Variants in ROBO2 observed in about 807,000 individuals in gnomAD.
ROBO2 encodes the protein roundabout guidance receptor 2.
A neutral mutation model predicts 160.8 loss-of-function variants in ROBO2; 53 were observed. That is an observed-to-expected ratio of 0.33 (90% CI 0.26 to 0.41). The LOEUF is 0.41. Ranked by LOEUF, ROBO2 falls within the 10% of genes least tolerant of loss-of-function variation. The probability of loss-of-function intolerance (pLI) is 1.00; values close to 1 mark genes in which losing one functional copy is unlikely to be tolerated. For missense variants in ROBO2, 1,577 were observed against 1,722.4 expected (o/e 0.92, Z 1.49); for synonymous variants, 664 against 611.7 (o/e 1.09, Z -1.26).
intron 2 of ROBO2, among the ~76,000 whole-genome samples, chr3:77,148,422 C>T (rs1207368136): frequency 2.6e-5 from 4 of 152,192 alleles, no homozygotes; most frequent in Admixed American, 6.5e-5. Context: ...CTGCATGAAA[C>T]TTTTTTTCTT....
chr3:77,277,791 G>A (rs534663331), intron 2 of ROBO2, among the ~76,000 whole-genome samples: 2 of 152,144 alleles, frequency 1.3e-5, no homozygotes, highest in Non-Finnish European at 2.9e-5. Context: ...TTGCTAGAAT[G>A]ATTTATATTC....
At chr3:77,409,540 G>A (rs2076529259) in intron 2 of ROBO2, among the ~76,000 whole-genome samples, 1 of 152,128 alleles carries the variant, frequency 6.6e-6, no homozygotes. Flanking sequence ...ATTGATCCCA[G>A]CTGGGGGGAT....
chr3:77,178,031 G>C (rs927031387), intron 2 of ROBO2, among the ~76,000 whole-genome samples: 31 of 152,070 alleles, frequency 2.0e-4, no homozygotes, highest in African/African-American at 7.2e-4. Context: ...TAAAGACAAA[G>C]CCCTGTCTCT....
intron 2 of ROBO2, among the ~76,000 whole-genome samples, chr3:76,837,018 A>AT (rs1238647205): frequency 8.2e-6 from 1 of 121,388 alleles, no homozygotes; most frequent in African/African-American, 2.8e-5. Flanking sequence ...ATTGCATATT[A>AT]TATTATATAT....
At chr3:76,217,514 G>T (rs543844778) in intron 2 of ROBO2, among the ~76,000 whole-genome samples, 5 of 151,976 alleles carry the variant, frequency 3.3e-5, no homozygotes, top group Non-Finnish European at 5.9e-5. Flanking sequence ...ACAAACTACC[G>T]TCAGAGAATA....
In ROBO2 at chr3:76,461,202, A is replaced by G. The variant is rs559542265; in HGVS notation, c.109+523600A>G. Among the ~76,000 whole-genome samples the G allele has an allele frequency of 3.3e-3, 506 of 152,248 alleles. 1 individual carries two copies. Among genetic ancestry groups the G allele is most frequent in the Middle Eastern group, 0.01 (3 of 294 alleles). ...GGGAGCAGGCATGTCACATGGCCTG[A>G]GTGGAGCAAGGCTGGGGTTGTAGGG... On this transcript the variant is annotated intron_variant, in intron 2 of 26. Transcript: ENST00000487694.
intron 2 of ROBO2, among the ~76,000 whole-genome samples, chr3:76,941,187 C>G (rs1193634500): frequency 6.6e-6 from 1 of 152,024 alleles, no homozygotes; most frequent in Admixed American, 6.6e-5. Flanking sequence ...ATTCTTTCAT[C>G]TCCTTATTTC....
intron 2 of ROBO2, chr3:76,434,240 G>A (rs10514733): frequency 0.024 from 23,945 of 1,015,188 alleles, 781 homozygotes; most frequent in South Asian, 0.097. Flanking sequence ...CAGGTTTGAC[G>A]TTGGAGCGAG....
At chr3:76,762,240 T>A (rs1248707189) in intron 2 of ROBO2, among the ~76,000 whole-genome samples, 1 of 151,600 alleles carries the variant, frequency 6.6e-6, no homozygotes, top group African/African-American at 2.4e-5. Flanking sequence ...TTCTGATGAA[T>A]TTGAACAATT....
chr3:76,626,251 A>T (rs573434142), intron 2 of ROBO2, among the ~76,000 whole-genome samples: 1 of 152,306 alleles, frequency 6.6e-6, no homozygotes, highest in Non-Finnish European at 1.5e-5. Context: ...TGTTGTTTTC[A>T]CTATGTGAAG....
intron 2 of ROBO2, among the ~76,000 whole-genome samples, chr3:76,072,729 G>T (rs2875349): frequency 6.6e-6 from 1 of 152,214 alleles, no homozygotes; most frequent in Non-Finnish European, 1.5e-5. Context: ...CAGATCAAGA[G>T]CTGAGGGTGT....
chr3:77,447,511 C>T (rs1385371673), intron 2 of ROBO2, among the ~76,000 whole-genome samples: 1 of 152,044 alleles, frequency 6.6e-6, no homozygotes, highest in African/African-American at 2.4e-5. Context: ...TACTACTCTG[C>T]CATAAGATGC....
At chr3:75,996,837 T>G (rs1389108762) in intron 2 of ROBO2, among the ~76,000 whole-genome samples, 1 of 151,498 alleles carries the variant, frequency 6.6e-6, no homozygotes, top group African/African-American at 2.4e-5. Context: ...AAATCATCTA[T>G]TCTGATATAT....
chr3:76,028,747 A>C (rs1380470577), intron 2 of ROBO2, among the ~76,000 whole-genome samples: 1 of 152,024 alleles, frequency 6.6e-6, no homozygotes, highest in African/African-American at 2.4e-5. Flanking sequence ...ATTACCTGTC[A>C]AAACCATGAA....
At chr3:76,039,548 C>G (rs969083062) in intron 2 of ROBO2, among the ~76,000 whole-genome samples, 1 of 151,880 alleles carries the variant, frequency 6.6e-6, no homozygotes, top group Non-Finnish European at 1.5e-5. Flanking sequence ...ATTTAAATTA[C>G]CTTGCATTTG....
chr3:77,341,386 T>A (rs2067041063), intron 2 of ROBO2, among the ~76,000 whole-genome samples: 1 of 152,146 alleles, frequency 6.6e-6, no homozygotes, highest in Admixed American at 6.6e-5. Flanking sequence ...ACTGTAGATT[T>A]AAGTTTTCCT....
At chr3:77,438,417 A>G (rs955321055) in intron 2 of ROBO2, among the ~76,000 whole-genome samples, 1 of 151,774 alleles carries the variant, frequency 6.6e-6, no homozygotes, top group Non-Finnish European at 1.5e-5. Context: ...TATTTTATAT[A>G]TATATGGAAA....
intron 1 of ROBO2, among the ~76,000 whole-genome samples, chr3:77,084,522 G>A (rs112438088): frequency 9.5e-4 from 144 of 151,984 alleles, no homozygotes; most frequent in African/African-American, 3.3e-3. Flanking sequence ...TTTCCTTTTA[G>A]CATAATCCAG....
intron 5 of ROBO2, among the ~76,000 whole-genome samples, chr3:77,505,388 A>G (rs1378059112): frequency 6.6e-6 from 1 of 152,140 alleles, no homozygotes; most frequent in Non-Finnish European, 1.5e-5. Context: ...GAAAAAGAGA[A>G]ATTAAAAATT....
Sources: gnomAD v4.1 joint callset for allele counts (sites outside exome capture counted in the v4.1 genomes callset) on GRCh38, gnomAD v4.1.1 for gene constraint, MANE v1.5 for transcripts, NCBI Gene and HGNC (gene_info 2026-07-23, HGNC 2026-07-21) for gene names.